FAM222A: variants seen among roughly 807,000 people sequenced by gnomAD.
The protein encoded by FAM222A is protein FAM222A.
Under a neutral mutation model 25.8 loss-of-function variants are expected in FAM222A, and 7 were observed. That is an observed-to-expected ratio of 0.27 (90% CI 0.15 to 0.51). The LOEUF (loss-of-function observed/expected upper bound fraction) is 0.51. Ranked by LOEUF, FAM222A falls within the 20% of genes least tolerant of loss-of-function variation. FAM222A has a pLI of 0.97. For missense variants in FAM222A, 573 were observed against 640.5 expected (o/e 0.89, Z 1.14); for synonymous variants, 294 against 298.8 (o/e 0.98, Z 0.17).
At chr12:109,767,062 CTTTTT>C (rs757766627) in intron 2 of FAM222A, among the ~76,000 whole-genome samples, 12 of 93,076 alleles carry the variant, frequency 1.3e-4, no homozygotes, top group South Asian at 1.3e-3. Context: ...TGCTTGGCTT[CTTTTT>C]TTTTTTTTTT....
At chr12:109,744,027 C>A in intron 1 of FAM222A, 74 bp from the exon 2 acceptor site, 2 of 1,458,884 alleles carry the variant, frequency 1.4e-6, no homozygotes, top group Non-Finnish European at 1.8e-6. Context: ...TGCAGGGAGA[C>A]TCCCGGGGGG....
At chr12:109,744,063 G>C in intron 1 of FAM222A, 38 bp from the exon 2 acceptor site, 1 of 1,541,582 alleles carries the variant, frequency 6.5e-7, no homozygotes, top group Non-Finnish European at 8.7e-7. Flanking sequence ...ACACGGAGCA[G>C]CCCCCAAGTG....
chr12:109,741,612 G>A (rs1223297088), intron 1 of FAM222A, among the ~76,000 whole-genome samples: 1 of 152,178 alleles, frequency 6.6e-6, no homozygotes, highest in Non-Finnish European at 1.5e-5. Flanking sequence ...GGGACATTAG[G>A]GCACCTAGAG....
chr12:109,718,514 G>C (rs570730862), intron 1 of FAM222A, among the ~76,000 whole-genome samples: 35 of 152,200 alleles, frequency 2.3e-4, no homozygotes, highest in Non-Finnish European at 4.6e-4. Flanking sequence ...GGGTGAGAAC[G>C]AGGAGGCGCG....
chr12:109,744,370 CT>C (rs746709208), intron 2 of FAM222A, 142 bp downstream of exon 2: 1,323 of 1,421,160 alleles, frequency 9.3e-4, no homozygotes, highest in Non-Finnish European at 1.1e-3. Context: ...CCCGGCTGTG[CT>C]GCCTTCCTGG....
intron 2 of FAM222A, among the ~76,000 whole-genome samples, chr12:109,765,291 C>A (rs79147816): frequency 2.0e-5 from 3 of 152,230 alleles, no homozygotes; most frequent in African/African-American, 7.2e-5. Context: ...ATGACCCACC[C>A]GATGCCAGTA....
chr12:109,719,983 C>A, intron 1 of FAM222A: 1 of 524,878 alleles, frequency 1.9e-6, no homozygotes, highest in Non-Finnish European at 2.4e-6. Context: ...AATTATTTTA[C>A]CCCTCTGTGC....
chr12:109,753,280 G>A (rs1276146748), intron 2 of FAM222A, among the ~76,000 whole-genome samples: 1 of 152,148 alleles, frequency 6.6e-6, no homozygotes, highest in African/African-American at 2.4e-5. Flanking sequence ...CTGGACCTTG[G>A]GTAAGTGACG....
intron 2 of FAM222A, among the ~76,000 whole-genome samples, chr12:109,755,229 A>T (rs1888686324): frequency 7.0e-6 from 1 of 143,160 alleles, no homozygotes; most frequent in South Asian, 2.2e-4. Flanking sequence ...GAAGATATAC[A>T]CTCCTGTGTT....
At chr12:109,736,456 G>A (rs189950650) in intron 1 of FAM222A, among the ~76,000 whole-genome samples, 1 of 152,308 alleles carries the variant, frequency 6.6e-6, no homozygotes, top group African/African-American at 2.4e-5. Flanking sequence ...CAGAGTTAGG[G>A]TGTAAAGCTC....
chr12:109,733,433 G>A (rs887228654), intron 1 of FAM222A, among the ~76,000 whole-genome samples: 11 of 150,176 alleles, frequency 7.3e-5, no homozygotes, highest in Admixed American at 2.6e-4. Flanking sequence ...ACGGAGTCTC[G>A]TTCTGTCACC....
chr12:109,720,341 C>T (rs1367646267), intron 1 of FAM222A, among the ~76,000 whole-genome samples: 1 of 152,184 alleles, frequency 6.6e-6, no homozygotes, highest in Admixed American at 6.5e-5. Context: ...GGAGGGGGGC[C>T]TCCCTTGGAG....
At chr12:109,741,177 C>T (rs1170585159) in intron 1 of FAM222A, among the ~76,000 whole-genome samples, 1 of 152,132 alleles carries the variant, frequency 6.6e-6, no homozygotes, top group Non-Finnish European at 1.5e-5. Context: ...CCTCCTAGGA[C>T]ACCCCACCAC....
intron 2 of FAM222A, among the ~76,000 whole-genome samples, chr12:109,764,964 G>T (rs1263010242): frequency 6.6e-6 from 1 of 151,792 alleles, no homozygotes; most frequent in African/African-American, 2.4e-5. Context: ...TCGGGATGGG[G>T]GTCCATGGCT....
Position 109,769,067 on chromosome 12 carries a change from C to A in FAM222A, c.1138C>A (p.Leu380Met). ...GCTGGGGCCGGGGGCAGCCCGGGAG[C>A]TGGCTGGGCCCCCTGCAGATGCCCT... Reference protein sequence around the residue: ...TELGPGAARELAGPPADALSG... With the variant: ...TELGPGAAREMAGPPADALSG... The change falls in exon 3 of 3, where the codon CTG (leucine) becomes ATG (methionine). Residue 380 changes from leucine (L) to methionine (M), a missense_variant. Physicochemically the swap from Leu to Met is conservative, Grantham distance 15. Around this residue, in one of 3 missense-constraint regions of FAM222A, gnomAD observed 412 missense variants for 407.0 expected, o/e 1.01. Coordinates refer to ENST00000538780, the MANE Select transcript of FAM222A (RefSeq NM_032829.3). 1 of 1,598,234 alleles carries A rather than the reference C, an allele frequency of 6.3e-7. No homozygotes were observed. Among genetic ancestry groups the A allele is most frequent in the Admixed American group, 1.7e-5 (1 of 58,114 alleles).
intron 2 of FAM222A, among the ~76,000 whole-genome samples, chr12:109,764,838 T>C (rs1187023042): frequency 6.6e-6 from 1 of 152,218 alleles, no homozygotes. Context: ...ATTGCTTGTA[T>C]AATGTAGTTT....
At chr12:109,736,233 A>G (rs1888082399) in intron 1 of FAM222A, among the ~76,000 whole-genome samples, 1 of 152,146 alleles carries the variant, frequency 6.6e-6, no homozygotes, top group African/African-American at 2.4e-5. Flanking sequence ...TCAAGTCTCC[A>G]TGTGGTGGCC....
At chr12:109,765,847 G>T (rs1429539386) in intron 2 of FAM222A, among the ~76,000 whole-genome samples, 1 of 152,210 alleles carries the variant, frequency 6.6e-6, no homozygotes. Flanking sequence ...TTCTGGGAGG[G>T]CCCTTTCTCT....
chr12:109,744,368 T>G, intron 2 of FAM222A, 140 bp downstream of exon 2: 3 of 1,422,568 alleles, frequency 2.1e-6, no homozygotes, highest in Non-Finnish European at 2.8e-6. Flanking sequence ...GCCCCGGCTG[T>G]GCTGCCTTCC....
Sources: allele counts gnomAD v4.1 joint callset (sites outside exome capture counted in the v4.1 genomes callset), GRCh38; gene constraint gnomAD v4.1.1; regional missense constraint gnomAD v4.1.1; transcripts MANE v1.5; gene names NCBI Gene and HGNC (gene_info 2026-07-23, HGNC 2026-07-21).